CPNE5: variants seen among roughly 807,000 people sequenced by gnomAD.
CPNE5 encodes the protein copine 5.
In CPNE5, 42 loss-of-function variants were observed where a neutral mutation model predicts 81.1. The observed-to-expected ratio is 0.52, with a 90% CI of 0.40 to 0.67. The LOEUF (loss-of-function observed/expected upper bound fraction) is 0.67. Among genes scored for constraint, CPNE5 ranks in the 30% least tolerant of loss-of-function variants. The pLI is 0.00. For missense variants in CPNE5, 612 were observed against 815.5 expected (o/e 0.75, Z 3.04); for synonymous variants, 313 against 321.5 (o/e 0.97, Z 0.28).
intron 1 of CPNE5, among the ~76,000 whole-genome samples, chr6:36,824,754 C>A (rs1054260661): frequency 2.6e-5 from 4 of 152,160 alleles, no homozygotes; most frequent in African/African-American, 7.2e-5. Context: ...CGAGACCAGC[C>A]TGGCCAACAT....
At chr6:36,757,069 T>C (rs944101253) in intron 12 of CPNE5, among the ~76,000 whole-genome samples, 1 of 151,566 alleles carries the variant, frequency 6.6e-6, no homozygotes, top group Non-Finnish European at 1.5e-5. Flanking sequence ...CGGCAGGGAG[T>C]GATGCAGTCC....
chr6:36,791,123 G>T (rs1437770889), intron 8 of CPNE5, among the ~76,000 whole-genome samples: 1 of 152,048 alleles, frequency 6.6e-6, no homozygotes, highest in Admixed American at 6.6e-5. Flanking sequence ...CCCTGCATCT[G>T]TCCCAGCCTC....
chr6:36,777,766 C>CCACACACACA (rs34423091), intron 9 of CPNE5, among the ~76,000 whole-genome samples: 87 of 109,506 alleles, frequency 7.9e-4, no homozygotes, highest in African/African-American at 3.3e-3. Context: ...CCCCCCCCCA[C>CCACACACACA]CACACACACA....
intron 1 of CPNE5, among the ~76,000 whole-genome samples, chr6:36,830,272 T>C (rs979367937): frequency 9.9e-5 from 15 of 152,170 alleles, no homozygotes; most frequent in African/African-American, 3.4e-4. Context: ...CAATGCTCCG[T>C]CTTATCCTCA....
intron 8 of CPNE5, among the ~76,000 whole-genome samples, chr6:36,788,530 A>C (rs1768800975): frequency 6.6e-6 from 1 of 152,118 alleles, no homozygotes; most frequent in African/African-American, 2.4e-5. Context: ...TGCATCCGTA[A>C]AACAGGGTTA....
intron 10 of CPNE5, among the ~76,000 whole-genome samples, chr6:36,768,149 G>C (rs1766723182): frequency 1.3e-5 from 2 of 150,822 alleles, no homozygotes; most frequent in African/African-American, 4.9e-5. Context: ...AAGGAGGTGA[G>C]AGAAATAGTG....
chr6:36,784,713 A>AG (rs1378562267), intron 8 of CPNE5, among the ~76,000 whole-genome samples: 1 of 152,134 alleles, frequency 6.6e-6, no homozygotes, highest in African/African-American at 2.4e-5. Flanking sequence ...AGGCCGAAGT[A>AG]GGAGGATCGC....
intron 8 of CPNE5, among the ~76,000 whole-genome samples, chr6:36,785,075 T>A (rs902801270): frequency 6.6e-6 from 1 of 152,220 alleles, no homozygotes; most frequent in African/African-American, 2.4e-5. Context: ...CCTATCTTTT[T>A]AAAAAACATA....
Position 36,805,580 on chromosome 6 carries a change from G to A in CPNE5, c.184-5510C>T, listed in dbSNP as rs534549754. 8.5e-5 allele frequency among the ~76,000 whole-genome samples: 13 copies of A among 152,324 alleles called. No homozygotes were observed. In the East Asian group the frequency reaches 1.9e-3, roughly 23 times the overall value. On this transcript the variant is annotated intron_variant, in intron 3 of 20. Coordinates refer to ENST00000244751, the MANE Select transcript of CPNE5 (RefSeq NM_020939.2). The stretch of plus-strand genomic sequence containing the variant: ...GGGAAGGTGCGCAAGTGTGCACTGG[G>A]GAGGCTGAGGGATGAAAACTGGGCA...
chr6:36,794,091 C>T (rs897573934), intron 7 of CPNE5, among the ~76,000 whole-genome samples: 3 of 151,430 alleles, frequency 2.0e-5, no homozygotes, highest in Admixed American at 1.3e-4. Flanking sequence ...AACGAGCAAA[C>T]GTGAAAAGTG....
intron 3 of CPNE5, among the ~76,000 whole-genome samples, chr6:36,812,496 C>T (rs560687710): frequency 5.3e-5 from 8 of 152,184 alleles, no homozygotes; most frequent in Non-Finnish European, 1.2e-4. Flanking sequence ...CCACAGTCCA[C>T]TAAGCAGGCA....
intron 10 of CPNE5, among the ~76,000 whole-genome samples, chr6:36,772,731 T>C (rs1477750785): frequency 6.6e-6 from 1 of 152,200 alleles, no homozygotes. Flanking sequence ...TTCTTCGGAG[T>C]GTAACAGGGG....
intron 7 of CPNE5, 43 bp from the exon 8 acceptor site, chr6:36,792,139 C>A: frequency 6.3e-7 from 1 of 1,587,418 alleles, no homozygotes. Flanking sequence ...CAGACAAAGA[C>A]AGAGCCATAA....
rs747814449 is a variant in CPNE5 at position 36,746,475 on chromosome 6, T to C, written c.1121A>G (p.Asp374Gly). 5.6e-6 allele frequency: 9 copies of C among 1,613,660 alleles called. No individual in the cohort carries two copies. Among genetic ancestry groups the C allele is most frequent in the Non-Finnish European group, 7.6e-6 (9 of 1,179,780 alleles). The change falls in exon 16 of 21, where the codon GAC (aspartate) becomes GGC (glycine). Residue 374 changes from aspartate to glycine, a missense_variant. Physicochemically the swap from Asp to Gly is moderately conservative, Grantham distance 94. Coordinates refer to ENST00000244751, the MANE Select transcript of CPNE5 (RefSeq NM_020939.2). This position sits in a 1 kb window ranked among gnomAD's most constrained non-coding sequence, Gnocchi z 4.5. The stretch of plus-strand genomic sequence containing the variant: ...CAGGGCAGGGAACATCTTGTCACTG[T>C]CGTAGTGCTGGATGATCTCTCCGAC... ...TAVGEIIQHY[D>G]SDKMFPALGF... is the part of the protein sequence containing the mutation.
rs77171400 is a variant in CPNE5, at chr6:36,815,706, C to T, written c.183+6408G>A. The stretch of plus-strand genomic sequence containing the variant: ...ACAGAGGTTATGTGAAGACACATGT[C>T]AAGTTGCCCCGAGGAAGATCATTCA... On this transcript the variant is annotated intron_variant, in intron 3 of 20. Coordinates refer to ENST00000244751, the MANE Select transcript of CPNE5 (RefSeq NM_020939.2). Among the ~76,000 whole-genome samples, 43 of 152,350 alleles carry T rather than the reference C, an allele frequency of 2.8e-4. 1 individual carries two copies. In the East Asian group the frequency reaches 5.6e-3, roughly 20 times the overall value.
At chr6:36,811,079 C>A (rs184365638) in intron 3 of CPNE5, among the ~76,000 whole-genome samples, 1 of 152,298 alleles carries the variant, frequency 6.6e-6, no homozygotes, top group South Asian at 2.1e-4. Flanking sequence ...CCCAGCTCCT[C>A]GGGGAACGGG....
intron 3 of CPNE5, among the ~76,000 whole-genome samples, chr6:36,819,279 T>C (rs1771831346): frequency 6.6e-6 from 1 of 152,208 alleles, no homozygotes; most frequent in African/African-American, 2.4e-5. Context: ...TTTGTGTTTT[T>C]AGTAGAGATG....
chr6:36,768,521 C>T (rs183138892), intron 10 of CPNE5, among the ~76,000 whole-genome samples: 10 of 152,246 alleles, frequency 6.6e-5, no homozygotes, highest in East Asian at 1.9e-4. Context: ...CGTGAACCAG[C>T]GTGCCCAGCC....
intron 8 of CPNE5, among the ~76,000 whole-genome samples, chr6:36,782,053 C>A (rs1387370197): frequency 6.6e-6 from 1 of 152,182 alleles, no homozygotes; most frequent in East Asian, 1.9e-4. Flanking sequence ...CCACCACAAT[C>A]CTTTTAAGCT....
Sources: allele counts gnomAD v4.1 joint callset (sites outside exome capture counted in the v4.1 genomes callset), GRCh38; gene constraint gnomAD v4.1.1; non-coding constraint Gnocchi (gnomAD v3.1); transcripts MANE v1.5; gene names NCBI Gene and HGNC (gene_info 2026-07-23, HGNC 2026-07-21).